GALNT8: variants seen among roughly 807,000 people sequenced by gnomAD.
The protein encoded by GALNT8 is probable polypeptide N-acetylgalactosaminyltransferase 8.
GALNT8 carries 66 observed loss-of-function variants against 62.7 expected under a neutral mutation model. The ratio of observed to expected loss-of-function variants is 1.05; its 90% CI spans 0.86 to 1.29. GALNT8 has a LOEUF of 1.29. GALNT8 is among the 50% of genes most tolerant of loss of function. The pLI is 0.00. For synonymous variants in GALNT8, 288 were observed against 294.3 expected, an observed-to-expected ratio of 0.98 and a Z score of 0.22; for missense variants, 771 against 791.8, an observed-to-expected ratio of 0.97 and a Z score of 0.32.
chr12:4,738,617 T>TA (rs1192588833), intron 2 of GALNT8, among the ~76,000 whole-genome samples: 3 of 152,218 alleles, frequency 2.0e-5, no homozygotes, highest in African/African-American at 7.2e-5. Flanking sequence ...AGCTGATAGA[T>TA]ACGTTTATTA....
At chr12:4,744,763 A>C in intron 4 of GALNT8, 63 bp downstream of exon 4, 1 of 1,085,116 alleles carries the variant, frequency 9.2e-7, no homozygotes, top group Admixed American at 2.2e-5. Context: ...GCATGTACTG[A>C]ACACAAGACA....
intron 3 of GALNT8, among the ~76,000 whole-genome samples, chr12:4,739,677 T>C (rs1946262831): frequency 6.6e-6 from 1 of 151,116 alleles, no homozygotes; most frequent in South Asian, 2.1e-4. Flanking sequence ...TTTTCTTTTT[T>C]TTTTTGAGAT....
chr12:4,726,656 C>T lies in GALNT8; in HGVS notation c.336C>T (p.His112=), dbSNP rs148918218. The T allele has an allele frequency of 1.3e-5, 21 of 1,613,748 alleles. No individual in the cohort carries two copies. The African/African-American group carries it at 1.9e-4, about 14-fold the overall frequency. Residue 112 remains histidine, a synonymous_variant, in exon 2 of 11, where the codon CAC becomes CAT. Coordinates refer to ENST00000252318, the MANE Select transcript of GALNT8 (RefSeq NM_017417.2). This position sits in a 1 kb window ranked among gnomAD's most constrained non-coding sequence, Gnocchi z 4.1. ...METKVNETKK[H]KTQMKLFPHS... is the part of the protein sequence containing the mutation. ...CCAAGGTGAATGAGACAAAGAAGCA[C>T]AAAACCCAAATGAAACTCTTCCCAC... is the stretch of plus-strand genomic sequence containing the variant.
Position 4,749,963 on chromosome 12 carries a change from A to C in GALNT8, c.1173+3705A>C, listed in dbSNP as rs1019365222. Among the ~76,000 whole-genome samples, 3 of 152,138 alleles carry C rather than the reference A, an allele frequency of 2.0e-5. No individual in the cohort carries two copies. Among genetic ancestry groups the C allele is most frequent in the Non-Finnish European group, 4.4e-5 (3 of 68,030 alleles). On this transcript the variant is annotated intron_variant, in intron 6 of 10. Coordinates refer to ENST00000252318, the MANE Select transcript of GALNT8 (RefSeq NM_017417.2). This position sits in a 1 kb window ranked among gnomAD's most constrained non-coding sequence, Gnocchi z 4.1. ...CCAACTTGTTGGCATACAGTTGCTT[A>C]TAGGAGCTGTTAGTGTTCCTTTAAA...
intron 9 of GALNT8, among the ~76,000 whole-genome samples, chr12:4,765,164 T>G (rs980264305): frequency 6.6e-6 from 1 of 152,032 alleles, no homozygotes; most frequent in African/African-American, 2.4e-5. Flanking sequence ...GGAACCCTCC[T>G]AGGCCTGGCC....
chr12:4,731,488 C>T (rs1473166379), intron 2 of GALNT8, among the ~76,000 whole-genome samples: 1 of 152,130 alleles, frequency 6.6e-6, no homozygotes, highest in Non-Finnish European at 1.5e-5. Context: ...CTTTCTCTTG[C>T]CTGATTGCTC....
intron 6 of GALNT8, among the ~76,000 whole-genome samples, chr12:4,750,518 A>T (rs1265181983): frequency 6.6e-6 from 1 of 152,214 alleles, no homozygotes; most frequent in Non-Finnish European, 1.5e-5. Flanking sequence ...TGCAAAGGAC[A>T]TGATTTCATT....
intron 2 of GALNT8, among the ~76,000 whole-genome samples, chr12:4,738,487 G>A (rs901590163): frequency 2.6e-5 from 4 of 152,184 alleles, no homozygotes; most frequent in Admixed American, 2.0e-4. Flanking sequence ...TGCCCATGGA[G>A]TGGGAGAAAA....
chr12:4,739,388 T>C, intron 3 of GALNT8, 59 bp downstream of exon 3: 1 of 1,432,130 alleles, frequency 7.0e-7, no homozygotes, highest in Non-Finnish European at 9.7e-7. Flanking sequence ...TGTGCTTGGC[T>C]GGAAAGAGGT....
At chr12:4,723,804 T>A (rs1946181876) in intron 1 of GALNT8, among the ~76,000 whole-genome samples, 1 of 149,796 alleles carries the variant, frequency 6.7e-6, no homozygotes, top group African/African-American at 2.5e-5. Flanking sequence ...GCCTGTTTAA[T>A]TACCCTTCAT....
intron 6 of GALNT8, among the ~76,000 whole-genome samples, chr12:4,753,448 G>A (rs1195781185): frequency 6.6e-6 from 1 of 152,080 alleles, no homozygotes; most frequent in African/African-American, 2.4e-5. Context: ...GACCAATTCT[G>A]CTATTAAAAG....
At chr12:4,741,135 C>CT (rs1308569491) in intron 3 of GALNT8, among the ~76,000 whole-genome samples, 3 of 152,182 alleles carry the variant, frequency 2.0e-5, no homozygotes. Flanking sequence ...CTCTGAGGAT[C>CT]TTTAAGTACC....
chr12:4,726,863 T>G lies in GALNT8; in HGVS notation c.509+34T>G. 2 of 1,553,434 alleles carry G rather than the reference T, an allele frequency of 1.3e-6. No homozygotes were observed. The highest frequency in any genetic ancestry group is 2.3e-5 in the East Asian group (1 of 44,418). On this transcript the variant is annotated intron_variant, in intron 2 of 10. Coordinates refer to ENST00000252318, the MANE Select transcript of GALNT8 (RefSeq NM_017417.2). This position sits in a 1 kb window ranked among gnomAD's most constrained non-coding sequence, Gnocchi z 4.1. ...AACCAGGCTTGGGCTTCTAGGGTCC[T>G]CAGTTTGATTTGAGGATGAGCTTTG...
chr12:4,722,399 A>G (rs531180516), intron 1 of GALNT8, among the ~76,000 whole-genome samples: 2 of 152,276 alleles, frequency 1.3e-5, no homozygotes, highest in South Asian at 4.1e-4. Context: ...TGGTCTGTAA[A>G]TGGAGATGAT....
At chr12:4,767,381 A>G (rs1354396091) in intron 10 of GALNT8, among the ~76,000 whole-genome samples, 1 of 152,198 alleles carries the variant, frequency 6.6e-6, no homozygotes, top group East Asian at 1.9e-4. Context: ...GCACTCAACA[A>G]ATGGTTGCAG....
intron 2 of GALNT8, among the ~76,000 whole-genome samples, chr12:4,733,017 T>G (rs568728719): frequency 6.7e-6 from 1 of 150,022 alleles, no homozygotes; most frequent in Non-Finnish European, 1.5e-5. Flanking sequence ...GATTCTCTGC[T>G]GGGAGGAGTG....
chr12:4,733,631 C>T (rs934518329), intron 2 of GALNT8, among the ~76,000 whole-genome samples: 14 of 152,148 alleles, frequency 9.2e-5, no homozygotes, highest in Non-Finnish European at 1.6e-4. Flanking sequence ...ATAACCATCC[C>T]GTACCAGACA....
In GALNT8 at chr12:4,720,471, G is replaced by A. The variant is rs1286675056; in HGVS notation, c.-207G>A. On this transcript the variant is annotated 5_prime_UTR_variant, in exon 1 of 11. Transcript: ENST00000252318. ...AAAGCCGCTGAGCGGTTATCCTCTC[G>A]GGGCATAAAGACAAAGAAGGCAATA... The A allele has an allele frequency of 1.0e-5, 6 of 573,904 alleles. No individual in the cohort carries two copies. The highest frequency in any genetic ancestry group is 1.6e-5 in the Non-Finnish European group (5 of 321,258). 35.6% of individuals were successfully genotyped at this position (573,904 alleles called of 1,614,324 possible).
Position 4,745,481 on chromosome 12 carries a change from C to T in GALNT8, c.913C>T (p.Pro305Ser). Residue 305 changes from proline to serine, a missense_variant, in exon 5 of 11, where the codon CCT (proline) becomes TCT (serine). Physicochemically the swap from Pro to Ser is moderately conservative, Grantham distance 74. Coordinates refer to ENST00000252318, the MANE Select transcript of GALNT8 (RefSeq NM_017417.2). ...IQEDRTVIVS[P>S]VFDNIRFDTF... ...GGAGGACCGCACTGTGATTGTGTCT[C>T]CTGTGTTTGACAACATTCGTTTTGA... 6.2e-7 allele frequency: 1 copy of T among 1,613,260 alleles called. No homozygotes were observed. Among genetic ancestry groups the T allele is most frequent in the African/African-American group, 1.3e-5 (1 of 75,028 alleles).
Sources: gnomAD v4.1 joint callset for allele counts (sites outside exome capture counted in the v4.1 genomes callset) on GRCh38, gnomAD v4.1.1 for gene constraint, Gnocchi (gnomAD v3.1) non-coding constraint, MANE v1.5 for transcripts, NCBI Gene and HGNC (gene_info 2026-07-23, HGNC 2026-07-21) for gene names.